The following SERINC2 variants were observed in gnomAD, a reference collection of about 807,000 sequenced individuals.
The protein encoded by SERINC2 is serine incorporator 2.
In SERINC2, 56 loss-of-function variants were observed where a neutral mutation model predicts 54.2. The observed-to-expected ratio is 1.03, with a 90% CI of 0.83 to 1.29. SERINC2 has a LOEUF of 1.29. SERINC2 is among the 50% of genes most tolerant of loss of function. SERINC2 has a pLI of 0.00. For synonymous variants in SERINC2, 272 were observed against 253.1 expected (o/e 1.07, Z -0.71); for missense variants, 614 against 607.4 (o/e 1.01, Z -0.12).
upstream of SERINC2, among the ~76,000 whole-genome samples, chr1:31,412,932 G>A (rs1220172601): frequency 6.6e-6 from 1 of 152,230 alleles, no homozygotes; most frequent in Admixed American, 6.5e-5. Context: ...AAGGGTGACA[G>A]TGTCCTGGGG....
At chr1:31,424,940 TC>T in intron 3 of SERINC2, 67 bp downstream of exon 3, 1 of 1,372,316 alleles carries the variant, frequency 7.3e-7, no homozygotes, top group African/African-American at 1.4e-5. Flanking sequence ...CCTCTGCCTG[TC>T]CAGGGATCTG....
rs1641011546 is a variant in SERINC2, at chr1:31,425,381, C to T, written c.444C>T (p.Phe148=). 1.2e-6 allele frequency: 2 copies of T among 1,613,258 alleles called. No individual in the cohort carries two copies. Among genetic ancestry groups the T allele is most frequent in the Non-Finnish European group, 1.7e-6 (2 of 1,179,198 alleles). ...TGGTGGGCCTCACCGTGGGTGCCTTCTACATTCCTGACGGCTCCTTCACCA... is the reference window on the plus strand; with the variant it reads ...TGGTGGGCCTCACCGTGGGTGCCTTTTACATTCCTGACGGCTCCTTCACCA... ...LILVGLTVGA[F]YIPDGSFTNI... is the part of the protein sequence containing the mutation. The change falls in exon 4 of 10, where the codon TTC becomes TTT. Residue 148 remains phenylalanine, a synonymous_variant. Transcript: ENST00000373709.
At chr1:31,413,004 G>A (rs570631056), upstream of SERINC2, 58 of 300,352 alleles carry the variant, frequency 1.9e-4, no homozygotes, top group African/African-American at 1.2e-3. This position sits in a 1 kb window ranked among gnomAD's most constrained non-coding sequence, Gnocchi z 5.0. Context: ...ATGCGAGCCC[G>A]GGCCACGATT....
In SERINC2 at chr1:31,413,423, TG is replaced by T. The variant is rs1416475856; in HGVS notation, c.39+122del. Reference sequence around the variant, plus strand: ...TTTCCTTCCTGCAAACTTGTCTTTCTGGGCCGGTGCCCCGCCTGCTCGCCCT... The same window carrying T: ...TTTCCTTCCTGCAAACTTGTCTTTCTGGCCGGTGCCCCGCCTGCTCGCCCT... On this transcript the variant is annotated intron_variant, in intron 1 of 9. Transcript: ENST00000373709. This position sits in a 1 kb window ranked among gnomAD's most constrained non-coding sequence, Gnocchi z 5.0. The T allele has an allele frequency of 3.6e-5, 18 of 504,880 alleles. No individual in the cohort carries two copies. Among genetic ancestry groups the T allele is most frequent in the Admixed American group, 4.9e-5 (1 of 20,442 alleles). 31.3% of individuals were successfully genotyped at this position (504,880 alleles called of 1,614,324 possible).
intron 1 of SERINC2, among the ~76,000 whole-genome samples, chr1:31,420,872 T>G (rs1640887149): frequency 6.6e-6 from 1 of 152,198 alleles, no homozygotes; most frequent in Non-Finnish European, 1.5e-5. Flanking sequence ...ATCTCAGTGC[T>G]GTTATCAACT....
chr1:31,428,959 C>T lies in SERINC2; in HGVS notation c.781-19C>T. 6.2e-7 allele frequency: 1 copy of T among 1,609,848 alleles called. No individual in the cohort carries two copies. On this transcript the variant is annotated intron_variant, in intron 6 of 9. Coordinates refer to ENST00000373709, the MANE Select transcript of SERINC2 (RefSeq NM_178865.5). Reference sequence around the variant, plus strand: ...TGTCTCTGGTCTGGCAGGGGTCTTACCAGGGGTCCTCTTGCCAGGACGCCC... The same window carrying T: ...TGTCTCTGGTCTGGCAGGGGTCTTATCAGGGGTCCTCTTGCCAGGACGCCC...
In SERINC2 at chr1:31,429,491, G is replaced by T; in HGVS notation, c.966G>T (p.Pro322=). ...ATGAGACCCAGTGGTGGGATGCCCC[G>T]AGCATTGTGGGCCTCATCATCTTCC... ...EGYETQWWDA[P]SIVGLIIFLL... is the part of the protein sequence containing the mutation. The change falls in exon 8 of 10, where the codon CCG becomes CCT. Residue 322 remains proline, a synonymous_variant. Transcript: ENST00000373709. 1.2e-6 allele frequency: 2 copies of T among 1,613,692 alleles called. No homozygotes were observed. Among genetic ancestry groups the T allele is most frequent in the Non-Finnish European group, 1.7e-6 (2 of 1,179,824 alleles).
intron 8 of SERINC2, among the ~76,000 whole-genome samples, chr1:31,432,666 C>G (rs753138933): frequency 8.5e-5 from 13 of 152,128 alleles, no homozygotes; most frequent in Non-Finnish European, 1.6e-4. Flanking sequence ...GTGCCAAGCA[C>G]TATGCTAGAG....
At position 31,433,126 on chromosome 1, in the gene SERINC2, C is replaced by T; in HGVS notation, c.1173C>T (p.Phe391=). 6.2e-7 allele frequency: 1 copy of T among 1,613,792 alleles called. No homozygotes were observed. Among genetic ancestry groups the T allele is most frequent in the Non-Finnish European group, 8.5e-7 (1 of 1,180,016 alleles). ...GCGTCACCTACAGCTACTCCTTCTTCCACTTCTGCCTGGTGCTGGCCTCAC... is the reference window on the plus strand; with the variant it reads ...GCGTCACCTACAGCTACTCCTTCTTTCACTTCTGCCTGGTGCTGGCCTCAC... The part of the protein sequence containing the change: ...QDGVTYSYSF[F]HFCLVLASLH... The change falls in exon 9 of 10, where the codon TTC becomes TTT. Residue 391 remains phenylalanine (F), a synonymous_variant. Coordinates refer to ENST00000373709, the MANE Select transcript of SERINC2 (RefSeq NM_178865.5).
intron 1 of SERINC2, chr1:31,414,273 C>A: frequency 7.6e-7 from 1 of 1,321,736 alleles, no homozygotes; most frequent in African/African-American, 1.5e-5. Context: ...CCCCAGCCCC[C>A]CTCTCCTTTC....
upstream of SERINC2, among the ~76,000 whole-genome samples, chr1:31,410,663 T>A (rs1640632502): frequency 6.6e-6 from 1 of 152,188 alleles, no homozygotes; most frequent in Non-Finnish European, 1.5e-5. Context: ...CTCTGTGAGG[T>A]TAAACAGAAT....
rs555316615 is a variant in SERINC2 at position 31,431,072 on chromosome 1, G to A, written c.1013+1534G>A. On this transcript the variant is annotated intron_variant, in intron 8 of 9. Coordinates refer to ENST00000373709, the MANE Select transcript of SERINC2 (RefSeq NM_178865.5). ...ATTCCTTTTCAAGCTGGAAAGGCTT[G>A]AATTACCTCTGTGTCCTCTCCTCTC... 9.2e-5 allele frequency among the ~76,000 whole-genome samples: 14 copies of A among 152,080 alleles called. No homozygotes were observed. The East Asian group carries it at 2.3e-3, about 25-fold the overall frequency.
At chr1:31,418,341 A>G (rs1553132450) in intron 1 of SERINC2, among the ~76,000 whole-genome samples, 1 of 151,834 alleles carries the variant, frequency 6.6e-6, no homozygotes, top group African/African-American at 2.4e-5. Flanking sequence ...TTTCTTTTGG[A>G]TATATATCCA....
In SERINC2 at chr1:31,432,982, C is replaced by G; in HGVS notation, c.1029C>G (p.Asp343Glu). Residue 343 changes from aspartate (D) to glutamate (E), a missense_variant, in exon 9 of 10, where the codon GAC becomes GAG. Physicochemically the swap from Asp to Glu is conservative, Grantham distance 45. Coordinates refer to ENST00000373709, the MANE Select transcript of SERINC2 (RefSeq NM_178865.5). ...TCCCCTGCAGTCTGCGCTCCTCAGACCACCGGCAGGTGAACAGCCTGATGC... is the reference window on the plus strand; with the variant it reads ...TCCCCTGCAGTCTGCGCTCCTCAGAGCACCGGCAGGTGAACAGCCTGATGC... ...CTLFISLRSS[D>E]HRQVNSLMQT... 2 of 1,611,556 alleles carry G rather than the reference C, an allele frequency of 1.2e-6. No individual in the cohort carries two copies. Among genetic ancestry groups the G allele is most frequent in the Non-Finnish European group, 1.7e-6 (2 of 1,179,446 alleles).
At chr1:31,431,232 C>A (rs562623068) in intron 8 of SERINC2, among the ~76,000 whole-genome samples, 1 of 152,080 alleles carries the variant, frequency 6.6e-6, no homozygotes, top group African/African-American at 2.4e-5. Flanking sequence ...TCAAGTGATC[C>A]TCCCACCTCA....
At chr1:31,432,182 A>AGAGGGTGGT (rs1641309331) in intron 8 of SERINC2, among the ~76,000 whole-genome samples, 2 of 137,114 alleles carry the variant, frequency 1.5e-5, no homozygotes. Flanking sequence ...GATAGGGTGG[A>AGAGGGTGGT]TAGGGTGGTT....
intron 1 of SERINC2, among the ~76,000 whole-genome samples, chr1:31,414,991 A>G (rs1640748914): frequency 6.6e-6 from 1 of 152,216 alleles, no homozygotes. Flanking sequence ...GGAGAATTCC[A>G]TTTGGAGACA....
At chr1:31,433,950 C>A in intron 9 of SERINC2, 114 bp from the exon 10 acceptor site, 3 of 1,064,658 alleles carry the variant, frequency 2.8e-6, no homozygotes, top group Non-Finnish European at 4.2e-6. Context: ...ACTGGAGTTA[C>A]AGGGTAAGAG....
chr1:31,424,987 C>A, intron 3 of SERINC2, 114 bp downstream of exon 3: 1 of 785,956 alleles, frequency 1.3e-6, no homozygotes, highest in Non-Finnish European at 2.0e-6. Context: ...CACGGGAGGG[C>A]ACAGCATGGA....
Sources: gnomAD v4.1 joint callset for allele counts (sites outside exome capture counted in the v4.1 genomes callset) on GRCh38, gnomAD v4.1.1 for gene constraint, Gnocchi (gnomAD v3.1) non-coding constraint, MANE v1.5 for transcripts, NCBI Gene and HGNC (gene_info 2026-07-23, HGNC 2026-07-21) for gene names.